Variants in PATJ observed in about 807,000 individuals in gnomAD.
PATJ encodes the protein PATJ crumbs cell polarity complex component.
Under a neutral mutation model 224.9 loss-of-function variants are expected in PATJ, and 190 were observed. That is an observed-to-expected ratio of 0.84 (90% CI 0.75 to 0.95). The LOEUF is 0.95. Ranked by LOEUF, PATJ falls within the 40% of genes least tolerant of loss-of-function variation. PATJ has a pLI of 0.00. For synonymous variants in PATJ, 769 were observed against 820.3 expected (o/e 0.94, Z 1.07); for missense variants, 2,121 against 2,270.3 (o/e 0.93, Z 1.34).
At chr1:61,925,614 G>A (rs1322323318) in intron 26 of PATJ, among the ~76,000 whole-genome samples, 1 of 152,142 alleles carries the variant, frequency 6.6e-6, no homozygotes, top group Non-Finnish European at 1.5e-5. Flanking sequence ...CATCTCTGAG[G>A]CATCACAATT....
Position 61,962,771 on chromosome 1 carries a change from C to T in PATJ, c.3671-27397C>T, listed in dbSNP as rs187910038. ...GGACCTGGAAGTGGACATTGCACAG[C>T]GTCTGAGACCTGGGCTTCTTTCATA... is the stretch of plus-strand genomic sequence containing the variant. On this transcript the variant is annotated intron_variant, in intron 27 of 43. Transcript: ENST00000642238. Among the ~76,000 whole-genome samples, 317 of 152,238 alleles carry T rather than the reference C, an allele frequency of 2.1e-3. 6 individuals carry two copies. The highest frequency in any genetic ancestry group is 7.6e-4 in the Non-Finnish European group (52 of 68,006).
rs564279498 is a variant in PATJ at position 61,819,614 on chromosome 1, C to T, written c.1684-3331C>T. 6.9e-4 allele frequency among the ~76,000 whole-genome samples: 97 copies of T among 141,092 alleles called. 1 individual carries two copies. Among genetic ancestry groups the T allele is most frequent in the African/African-American group, 2.3e-3 (93 of 39,700 alleles). 92.6% of individuals were successfully genotyped at this position (141,092 alleles called of 152,430 possible). ...AAAAGCAGCGTGGGGCGGCAGGCGG[C>T]GGTGGGGGGGCGCGGGTGGGAAGGC... is the stretch of plus-strand genomic sequence containing the variant. On this transcript the variant is annotated intron_variant, in intron 14 of 43. Transcript: ENST00000642238.
At chr1:62,121,337 C>T (rs76119127) in intron 38 of PATJ, 42 bp downstream of exon 38, 2 of 1,030,202 alleles carry the variant, frequency 1.9e-6, no homozygotes, top group South Asian at 3.0e-5. Flanking sequence ...TCCTGTTACC[C>T]AAATTAAAAA....
intron 5 of PATJ, 142 bp downstream of exon 5, chr1:61,769,564 A>G: frequency 1.1e-6 from 1 of 889,388 alleles, no homozygotes; most frequent in Non-Finnish European, 1.7e-6. Context: ...TGCATTTGTC[A>G]GGCCTTTTGC....
At chr1:61,748,766 C>T (rs530502400) in intron 1 of PATJ, among the ~76,000 whole-genome samples, 2 of 152,186 alleles carry the variant, frequency 1.3e-5, no homozygotes, top group South Asian at 4.1e-4. Context: ...ACAAGGGTTC[C>T]TCCCACCTCA....
At chr1:61,799,144 T>C (rs1035283706) in intron 11 of PATJ, among the ~76,000 whole-genome samples, 1 of 152,216 alleles carries the variant, frequency 6.6e-6, no homozygotes, top group African/African-American at 2.4e-5. Context: ...ATTGCCTAAA[T>C]AGTCCAAATT....
intron 31 of PATJ, chr1:62,072,746 T>TTA (rs1553258183): frequency 7.1e-5 from 9 of 126,616 alleles, no homozygotes; most frequent in African/African-American, 2.8e-4. Flanking sequence ...GTCTTTTATT[T>TTA]AAAAAAAAAA....
At chr1:62,038,070 C>T in intron 30 of PATJ, 21 bp downstream of exon 30, 1 of 1,463,950 alleles carries the variant, frequency 6.8e-7, no homozygotes, top group Non-Finnish European at 9.5e-7. Flanking sequence ...TTCTAATTAG[C>T]TCTTAGTATA....
intron 30 of PATJ, 24 bp downstream of exon 30, chr1:62,038,073 TTAG>T (rs1370301493): frequency 7.2e-7 from 1 of 1,392,972 alleles, no homozygotes; most frequent in Non-Finnish European, 1.0e-6. Context: ...TAATTAGCTC[TTAG>T]TATATTAGAT....
chr1:61,918,830 G>A (rs965241691), intron 26 of PATJ, among the ~76,000 whole-genome samples: 5 of 151,972 alleles, frequency 3.3e-5, no homozygotes, highest in Non-Finnish European at 5.9e-5. Flanking sequence ...GGGTGTGGTG[G>A]TGTGCACCTG....
intron 31 of PATJ, among the ~76,000 whole-genome samples, chr1:62,055,955 T>C (rs775318076): frequency 6.6e-6 from 1 of 152,134 alleles, no homozygotes; most frequent in Non-Finnish European, 1.5e-5. Flanking sequence ...TGATAAAAGC[T>C]CTGCAGTCCA....
chr1:62,026,013 G>C (rs1043821943), intron 29 of PATJ, among the ~76,000 whole-genome samples: 3 of 152,150 alleles, frequency 2.0e-5, no homozygotes, highest in Non-Finnish European at 2.9e-5. Context: ...CTCCTGTGTA[G>C]AATGTGGGTC....
At chr1:62,015,637 A>G (rs1646731751) in intron 28 of PATJ, among the ~76,000 whole-genome samples, 1 of 151,880 alleles carries the variant, frequency 6.6e-6, no homozygotes, top group Non-Finnish European at 1.5e-5. Flanking sequence ...GGTTCAAGCT[A>G]TTCTCCTGTC....
chr1:61,881,301 T>C (rs1470779674), intron 21 of PATJ, among the ~76,000 whole-genome samples: 3 of 152,104 alleles, frequency 2.0e-5, no homozygotes, highest in African/African-American at 4.8e-5. Flanking sequence ...TGTGGGGACT[T>C]TGTGTGCTGG....
chr1:62,095,756 T>G (rs1387455141), intron 33 of PATJ, among the ~76,000 whole-genome samples: 1 of 152,194 alleles, frequency 6.6e-6, no homozygotes, highest in Non-Finnish European at 1.5e-5. Flanking sequence ...AGGAGTTGTA[T>G]TCTATAAAGT....
At chr1:62,104,255 A>G (rs556623686) in intron 33 of PATJ, among the ~76,000 whole-genome samples, 1 of 152,176 alleles carries the variant, frequency 6.6e-6, no homozygotes, top group African/African-American at 2.4e-5. Flanking sequence ...ATCAACACCA[A>G]ATTTTTAATT....
At chr1:61,762,609 G>A (rs901231849) in intron 1 of PATJ, among the ~76,000 whole-genome samples, 4 of 152,194 alleles carry the variant, frequency 2.6e-5, no homozygotes, top group African/African-American at 7.2e-5. Flanking sequence ...GATATTTTAC[G>A]TTTCTCTTAG....
chr1:61,934,875 ACT>A (rs1231195874), intron 27 of PATJ, among the ~76,000 whole-genome samples: 1 of 152,042 alleles, frequency 6.6e-6, no homozygotes, highest in Non-Finnish European at 1.5e-5. Context: ...CTTCGGAGAT[ACT>A]CTTTCTGCCG....
At chr1:61,984,164 A>ATTAT (rs1553231368) in intron 27 of PATJ, among the ~76,000 whole-genome samples, 17 of 132,148 alleles carry the variant, frequency 1.3e-4, no homozygotes, top group Middle Eastern at 4.0e-3. Context: ...TATTATTATT[A>ATTAT]TTTTTTTTTT....
Sources: allele counts gnomAD v4.1 joint callset (sites outside exome capture counted in the v4.1 genomes callset), GRCh38; gene constraint gnomAD v4.1.1; transcripts MANE v1.5; gene names NCBI Gene and HGNC (gene_info 2026-07-23, HGNC 2026-07-21).